Variants in ZNF385D observed in about 807,000 individuals in gnomAD.
The protein encoded by ZNF385D is zinc finger protein 385D.
In ZNF385D, 15 loss-of-function variants were observed where a neutral mutation model predicts 35.8. That is an observed-to-expected ratio of 0.42 (90% confidence interval 0.28 to 0.64). The LOEUF (loss-of-function observed/expected upper bound fraction) is 0.64. Among genes scored for constraint, ZNF385D ranks in the 30% least tolerant of loss-of-function variants. The probability of loss-of-function intolerance (pLI) is 0.23; values close to 1 mark genes in which losing one functional copy is unlikely to be tolerated. For synonymous variants in ZNF385D, 212 were observed against 186.8 expected (o/e 1.13, Z -1.10); for missense variants, 474 against 494.6 (o/e 0.96, Z 0.39).
rs1160284843 is a variant in ZNF385D, at chr3:22,029,241, A to AT, written c.325+139575_325+139576insA. 4.7e-4 allele frequency among the ~76,000 whole-genome samples: 72 copies of AT among 152,334 alleles called. 2 individuals are homozygous for AT. In the East Asian group the frequency reaches 0.013, roughly 27 times the overall value. Reference sequence around the variant, plus strand: ...GTGTTGGTTTGGGTGACTTACTTGCACTATCAAGATGAAATTAATCTATTA... The same window carrying AT: ...GTGTTGGTTTGGGTGACTTACTTGCATCTATCAAGATGAAATTAATCTATTA... On this transcript the variant is annotated intron_variant, in intron 3 of 5. Coordinates refer to the ZNF385D transcript ENST00000494108.
intron 3 of ZNF385D, among the ~76,000 whole-genome samples, chr3:21,915,097 C>A (rs1257291291): frequency 1.3e-5 from 2 of 150,348 alleles, no homozygotes; most frequent in Non-Finnish European, 3.0e-5. Context: ...ATTTTTTTAA[C>A]ACCTTACATA....
intron 2 of ZNF385D, among the ~76,000 whole-genome samples, chr3:22,257,991 A>G (rs1700402043): frequency 6.6e-6 from 1 of 151,832 alleles, no homozygotes; most frequent in South Asian, 2.1e-4. Flanking sequence ...ACAATATTTG[A>G]TAGTAAAATC....
chr3:21,819,186 T>C (rs572862398), intron 3 of ZNF385D, among the ~76,000 whole-genome samples: 1 of 150,614 alleles, frequency 6.6e-6, no homozygotes, highest in Non-Finnish European at 1.5e-5. Context: ...AAGGCAAAAA[T>C]AGAAAAGAAA....
intron 1 of ZNF385D, among the ~76,000 whole-genome samples, chr3:21,703,721 T>G (rs2125390847): frequency 6.6e-6 from 1 of 152,290 alleles, no homozygotes; most frequent in South Asian, 2.1e-4. Flanking sequence ...TCTTTTTTCA[T>G]GTTGGCTCAT....
chr3:22,088,052 T>C (rs537359552), intron 3 of ZNF385D, among the ~76,000 whole-genome samples: 82 of 152,304 alleles, frequency 5.4e-4, no homozygotes, highest in African/African-American at 1.3e-3. Context: ...GCAGCTAGTA[T>C]TGAAGGAGAG....
intron 3 of ZNF385D, among the ~76,000 whole-genome samples, chr3:21,991,783 A>C (rs1022507937): frequency 7.2e-5 from 11 of 152,238 alleles, no homozygotes; most frequent in African/African-American, 2.7e-4. Flanking sequence ...TCAGTCAGTC[A>C]TGCTTTGGGC....
chr3:22,104,629 G>C (rs543856561), intron 3 of ZNF385D, among the ~76,000 whole-genome samples: 3 of 150,968 alleles, frequency 2.0e-5, no homozygotes, highest in Non-Finnish European at 4.4e-5. Context: ...ACATAAAAAC[G>C]ACAACAGGCA....
intron 2 of ZNF385D, among the ~76,000 whole-genome samples, chr3:22,247,014 A>C (rs1439173437): frequency 1.3e-5 from 2 of 152,166 alleles, no homozygotes; most frequent in Non-Finnish European, 2.9e-5. Context: ...CATATACACA[A>C]ACAACTTCAT....
intron 3 of ZNF385D, among the ~76,000 whole-genome samples, chr3:21,555,719 G>A (rs2062710501): frequency 6.6e-6 from 1 of 152,130 alleles, no homozygotes; most frequent in African/African-American, 2.4e-5. Flanking sequence ...AATCCTTGGG[G>A]TGTATACCCA....
At chr3:22,025,268 C>A (rs182116278) in intron 3 of ZNF385D, among the ~76,000 whole-genome samples, 4 of 152,272 alleles carry the variant, frequency 2.6e-5, no homozygotes, top group South Asian at 2.1e-4. Context: ...ACAGTGATGG[C>A]CTCCCCTGAG....
chr3:21,491,722 T>C lies in ZNF385D; in HGVS notation c.439+19139A>G, dbSNP rs118068349. 2.2e-3 allele frequency among the ~76,000 whole-genome samples: 335 copies of C among 152,300 alleles called. 8 individuals are homozygous for C. In the East Asian group the frequency reaches 0.052, roughly 24 times the overall value. On this transcript the variant is annotated intron_variant, in intron 4 of 7. Coordinates refer to ENST00000281523, the MANE Select transcript of ZNF385D (RefSeq NM_024697.3). ...TTGCCAATGGTTGCTTTCATGCAAG[T>C]GTCAGAATTGAATAGTTATGACAGA...
At chr3:22,094,170 T>C (rs1701476758) in intron 3 of ZNF385D, among the ~76,000 whole-genome samples, 1 of 151,854 alleles carries the variant, frequency 6.6e-6, no homozygotes, top group Admixed American at 6.6e-5. Context: ...CTAATTTTCC[T>C]TTCTACCAAT....
intron 3 of ZNF385D, among the ~76,000 whole-genome samples, chr3:21,972,445 G>A (rs1703315165): frequency 6.6e-6 from 1 of 151,848 alleles, no homozygotes; most frequent in Non-Finnish European, 1.5e-5. Flanking sequence ...AGTACTAAGA[G>A]GAAAGTTTAT....
At chr3:21,921,065 G>GA (rs63446760) in intron 3 of ZNF385D, among the ~76,000 whole-genome samples, 30 of 148,042 alleles carry the variant, frequency 2.0e-4, no homozygotes, top group East Asian at 8.0e-4. Context: ...AATACAAAAA[G>GA]AAAAAAAAAA....
chr3:21,765,345 C>T (rs1247058267), intron 3 of ZNF385D, among the ~76,000 whole-genome samples: 1 of 151,966 alleles, frequency 6.6e-6, no homozygotes, highest in Non-Finnish European at 1.5e-5. Flanking sequence ...TATTTCAGAG[C>T]AGCTGCCAAG....
At chr3:21,904,226 C>T (rs186158797) in intron 3 of ZNF385D, among the ~76,000 whole-genome samples, 2 of 149,070 alleles carry the variant, frequency 1.3e-5, no homozygotes, top group Admixed American at 1.3e-4. Flanking sequence ...ATGGCTTGAA[C>T]CCAGGAGGCG....
chr3:21,764,620 T>C (rs1292448601), intron 3 of ZNF385D, among the ~76,000 whole-genome samples: 1 of 152,126 alleles, frequency 6.6e-6, no homozygotes, highest in Non-Finnish European at 1.5e-5. Flanking sequence ...CAACCACTTT[T>C]AGAGTAAATT....
chr3:21,699,965 G>A (rs910941990), intron 1 of ZNF385D, among the ~76,000 whole-genome samples: 1 of 151,376 alleles, frequency 6.6e-6, no homozygotes, highest in Non-Finnish European at 1.5e-5. Context: ...CCAAGTAGCT[G>A]GGATTACAGG....
intron 3 of ZNF385D, among the ~76,000 whole-genome samples, chr3:21,901,105 T>A (rs1176368698): frequency 6.6e-6 from 1 of 152,218 alleles, no homozygotes; most frequent in Non-Finnish European, 1.5e-5. Flanking sequence ...CTAAGCAAAT[T>A]GGCTGCATTA....
Sources: gnomAD v4.1 joint callset for allele counts (sites outside exome capture counted in the v4.1 genomes callset) on GRCh38, gnomAD v4.1.1 for gene constraint, MANE v1.5 for transcripts, NCBI Gene and HGNC (gene_info 2026-07-23, HGNC 2026-07-21) for gene names.